Variants in VWC2 observed in about 807,000 individuals in gnomAD.
VWC2 encodes the protein von Willebrand factor C domain containing 2, also known as brorin.
VWC2 carries 14 observed loss-of-function variants against 29.8 expected under a neutral mutation model. The ratio of observed to expected loss-of-function variants is 0.47; its 90% CI spans 0.31 to 0.74. VWC2 has a LOEUF of 0.74. Ranked by LOEUF, VWC2 falls within the 30% of genes least tolerant of loss-of-function variation. The probability of loss-of-function intolerance (pLI) is 0.05; values close to 1 mark genes in which losing one functional copy is unlikely to be tolerated. For synonymous variants in VWC2, 213 were observed against 199.0 expected (o/e 1.07, Z -0.59); for missense variants, 457 against 459.8 (o/e 0.99, Z 0.05).
chr7:49,886,518 T>A (rs1791909908), intron 3 of VWC2, among the ~76,000 whole-genome samples: 1 of 152,244 alleles, frequency 6.6e-6, no homozygotes, highest in African/African-American at 2.4e-5. Context: ...TTTCTTCTTT[T>A]GATTTTAATT....
At chr7:49,909,826 G>A (rs1793308278) in intron 3 of VWC2, among the ~76,000 whole-genome samples, 1 of 152,164 alleles carries the variant, frequency 6.6e-6, no homozygotes, top group South Asian at 2.1e-4. Context: ...GTCCAGGGCT[G>A]GGTGCGGCAA....
intron 2 of VWC2, among the ~76,000 whole-genome samples, chr7:49,795,718 G>T (rs769463630): frequency 6.6e-6 from 1 of 152,162 alleles, no homozygotes; most frequent in Non-Finnish European, 1.5e-5. Context: ...GTTTGTTTTA[G>T]ATCTTGTGTC....
At chr7:49,801,197 T>C (rs1788729228) in intron 2 of VWC2, among the ~76,000 whole-genome samples, 1 of 152,206 alleles carries the variant, frequency 6.6e-6, no homozygotes, top group Non-Finnish European at 1.5e-5. Context: ...GTTTGCATTG[T>C]ATAGACAAAG....
intron 3 of VWC2, among the ~76,000 whole-genome samples, chr7:49,886,092 C>T (rs547658269): frequency 3.5e-4 from 54 of 152,288 alleles, no homozygotes; most frequent in African/African-American, 1.2e-3. Context: ...AGACTGGAGG[C>T]GTCACCAGGT....
At chr7:49,781,668 G>T (rs1583620988) in intron 2 of VWC2, among the ~76,000 whole-genome samples, 1 of 152,174 alleles carries the variant, frequency 6.6e-6, no homozygotes, top group South Asian at 2.1e-4. Context: ...GTGGCATTTT[G>T]CGTGTGGTGG....
intron 3 of VWC2, among the ~76,000 whole-genome samples, chr7:49,879,083 C>T (rs1217271538): frequency 6.6e-6 from 1 of 152,164 alleles, no homozygotes; most frequent in East Asian, 1.9e-4. Context: ...AGTTCATTCC[C>T]TCAATCCTCA....
At chr7:49,785,643 C>T (rs1788279112) in intron 2 of VWC2, among the ~76,000 whole-genome samples, 1 of 152,150 alleles carries the variant, frequency 6.6e-6, no homozygotes, top group Admixed American at 6.6e-5. Flanking sequence ...CCAGAGAAGA[C>T]ATTACATCCA....
intron 3 of VWC2, among the ~76,000 whole-genome samples, chr7:49,823,210 G>T (rs936811065): frequency 3.3e-5 from 5 of 152,140 alleles, no homozygotes; most frequent in Non-Finnish European, 7.3e-5. Context: ...ACACAAGGAC[G>T]CTTGGACAGA....
intron 3 of VWC2, among the ~76,000 whole-genome samples, chr7:49,828,708 C>T (rs190097831): frequency 3.3e-5 from 5 of 152,218 alleles, no homozygotes; most frequent in South Asian, 2.1e-4. Flanking sequence ...GCTAGACGGA[C>T]GGCCTCTCCC....
chr7:49,838,620 T>C (rs1789720474), intron 3 of VWC2, among the ~76,000 whole-genome samples: 1 of 151,990 alleles, frequency 6.6e-6, no homozygotes, highest in Non-Finnish European at 1.5e-5. Flanking sequence ...GACGATGCCC[T>C]TGGAGTAGAA....
At chr7:49,850,845 C>T (rs1790147326) in intron 3 of VWC2, among the ~76,000 whole-genome samples, 1 of 152,186 alleles carries the variant, frequency 6.6e-6, no homozygotes, top group Non-Finnish European at 1.5e-5. Context: ...TTTGGTCAGG[C>T]ACTGTGCTGG....
chr7:49,920,803 T>C lies in VWC2; in HGVS notation c.*8618T>C, dbSNP rs1793984531. On this transcript the variant is annotated 3_prime_UTR_variant, in exon 4 of 4. Coordinates refer to ENST00000340652, the MANE Select transcript of VWC2 (RefSeq NM_198570.5). ...AACTTAAAAAAAAAGTCATTTTAAA[T>C]AACATCATTTACCAAGTCTGTGTGA... The C allele has an allele frequency of 6.6e-6, 1 of 152,200 alleles. No homozygotes were observed. The highest frequency in any genetic ancestry group is 2.4e-5 in the African/African-American group (1 of 41,460). 9.4% of individuals were successfully genotyped at this position (152,200 alleles called of 1,614,324 possible).
At chr7:49,838,007 C>T (rs572115327) in intron 3 of VWC2, among the ~76,000 whole-genome samples, 18 of 152,288 alleles carry the variant, frequency 1.2e-4, no homozygotes, top group Middle Eastern at 3.4e-3. Context: ...TCACATGCAG[C>T]TCACTGGAAG....
rs767156545 is a variant in VWC2, at chr7:49,915,609, A to G, written c.*3424A>G. On this transcript the variant is annotated 3_prime_UTR_variant, in exon 4 of 4. Coordinates refer to ENST00000340652, the MANE Select transcript of VWC2 (RefSeq NM_198570.5). ...GTATACATTATCTGAAACTTACAAA[A>G]TATACACTGTTTCAAACAAGCATTG... 1.3e-5 allele frequency: 2 copies of G among 152,208 alleles called. No homozygotes were observed. The highest frequency in any genetic ancestry group is 6.6e-5 in the Admixed American group (1 of 15,266). 9.4% of individuals were successfully genotyped at this position (152,208 alleles called of 1,614,324 possible). A position where few individuals can be genotyped will look rare whatever the true frequency, so the allele number is the denominator to read the frequency against.
rs150187463 is a variant in VWC2 at position 49,794,945 on chromosome 7, C to T, written c.697-7766C>T. On this transcript the variant is annotated intron_variant, in intron 2 of 3. Coordinates refer to ENST00000340652, the MANE Select transcript of VWC2 (RefSeq NM_198570.5). The stretch of plus-strand genomic sequence containing the variant: ...CTGCCTTTAAAACTCTCAATATGCA[C>T]GTAGCTCAGTTAGCGCTCAACATTT... Among the ~76,000 whole-genome samples the T allele has an allele frequency of 2.0e-3, 308 of 152,318 alleles. 1 individual carries two copies. Among genetic ancestry groups the T allele is most frequent in the African/African-American group, 7.1e-3 (295 of 41,574 alleles).
At position 49,775,531 on chromosome 7, in the gene VWC2, G is replaced by T. The variant is rs1788031019; in HGVS notation, c.96G>T (p.Pro32=). The change falls in exon 2 of 4, where the codon CCG becomes CCT. Residue 32 remains proline (P), a synonymous_variant. Coordinates refer to ENST00000340652, the MANE Select transcript of VWC2 (RefSeq NM_198570.5). The part of the protein sequence containing the change: ...LMVALCSPSI[P]LEKLAQAPEQ... Reference sequence around the variant, plus strand: ...TGGCTCTGTGCAGTCCGAGCATCCCGCTGGAGAAGCTGGCCCAGGCACCAG... The same window carrying T: ...TGGCTCTGTGCAGTCCGAGCATCCCTCTGGAGAAGCTGGCCCAGGCACCAG... 1.9e-6 allele frequency: 3 copies of T among 1,569,652 alleles called. No individual in the cohort carries two copies. The highest frequency in any genetic ancestry group is 1.8e-5 in the Admixed American group (1 of 56,064).
intron 3 of VWC2, among the ~76,000 whole-genome samples, chr7:49,877,507 T>TATATATAGATATAG (rs1791485469): frequency 2.2e-5 from 2 of 90,318 alleles, no homozygotes; most frequent in Admixed American, 1.2e-4. Flanking sequence ...TATATATATA[T>TATATATAGATATAG]ATATATATAT....
intron 3 of VWC2, among the ~76,000 whole-genome samples, chr7:49,817,680 A>G (rs1025925859): frequency 3.3e-5 from 5 of 152,244 alleles, no homozygotes; most frequent in African/African-American, 7.2e-5. Context: ...GGAGGTATCC[A>G]TAAACCTCCA....
chr7:49,806,834 C>T (rs1289083396), intron 3 of VWC2, among the ~76,000 whole-genome samples: 2 of 151,982 alleles, frequency 1.3e-5, no homozygotes, highest in Non-Finnish European at 2.9e-5. Context: ...TTCCAAAATT[C>T]TTACCAAGGA....
Sources: gnomAD v4.1 joint callset for allele counts (sites outside exome capture counted in the v4.1 genomes callset) on GRCh38, gnomAD v4.1.1 for gene constraint, MANE v1.5 for transcripts, NCBI Gene and HGNC (gene_info 2026-07-23, HGNC 2026-07-21) for gene names.